UMOD: variants seen among roughly 807,000 people sequenced by gnomAD.
The protein encoded by UMOD is Tamm-Horsfall urinary glycoprotein.
UMOD carries 64 observed loss-of-function variants against 66.0 expected under a neutral mutation model. The ratio of observed to expected loss-of-function variants is 0.97; its 90% confidence interval spans 0.79 to 1.19. The LOEUF (loss-of-function observed/expected upper bound fraction) is 1.19, where lower values mean the gene tolerates loss of function less well. Among genes scored for constraint, UMOD ranks in the 50% most tolerant of loss-of-function variants. The probability of loss-of-function intolerance (pLI) is 0.00; values close to 1 mark genes in which losing one functional copy is unlikely to be tolerated. For missense variants in UMOD, 764 were observed against 850.9 expected, an observed-to-expected ratio of 0.90 and a Z score of 1.27; for synonymous variants, 398 against 352.7, an observed-to-expected ratio of 1.13 and a Z score of -1.44.
chr16:20,344,190 G>A lies in UMOD; in HGVS notation c.1183-18C>T, dbSNP rs764830079. On this transcript the variant is annotated intron_variant, in intron 5 of 10. Transcript: ENST00000396138. ...TCATTCCTCTGTTGCAGGGAATGGG[G>A]GTGGAGGGGGGGTGGGGATGAGAGA... is the stretch of plus-strand genomic sequence containing the variant. The A allele has an allele frequency of 1.3e-5, 20 of 1,560,100 alleles. No homozygotes were observed. In the South Asian group the frequency reaches 1.7e-4, roughly 13 times the overall value.
rs896470042 is a variant in UMOD, at chr16:20,348,318, A to G, written c.878T>C (p.Val293Ala). 5 of 1,614,202 alleles carry G rather than the reference A, an allele frequency of 3.1e-6. No homozygotes were observed. The highest frequency in any genetic ancestry group is 4.2e-6 in the Non-Finnish European group (5 of 1,180,044). ...ACTGCACTCCTCACACGTCCCCTCC[A>G]CGGAGCTGGGGTCTGCAGGGTCACA... Reference protein sequence around the residue: ...HLAYCTDPSSVEGTCEECSID... With the variant: ...HLAYCTDPSSAEGTCEECSID... Residue 293 changes from valine to alanine, a missense_variant, in exon 4 of 11, where the codon GTG becomes GCG. By Grantham distance (64) the Val-to-Ala change is moderately conservative. Coordinates refer to ENST00000396138, the MANE Select transcript of UMOD (RefSeq NM_003361.4).
chr16:20,341,034 C>A, intron 7 of UMOD, 57 bp downstream of exon 7: 1 of 1,553,972 alleles, frequency 6.4e-7, no homozygotes, highest in South Asian at 1.1e-5. Context: ...CCATCCAAGT[C>A]CAAAGACCCC....
Position 20,348,759 on chromosome 16 carries a change from T to C in UMOD, c.542A>G (p.Asp181Gly). 1 of 1,543,930 alleles carries C rather than the reference T, an allele frequency of 6.5e-7. No homozygotes were observed. The highest frequency in any genetic ancestry group is 8.7e-7 in the Non-Finnish European group (1 of 1,145,778). The stretch of plus-strand genomic sequence containing the variant: ...GTACTCGGTGCTGCGCCAGTACTCG[T>C]CCAGGGTGCGGTGCGCCTGGCACGG... ...ADPCQAHRTL[D>G]EYWRSTEYGE... Residue 181 changes from aspartate (D) to glycine (G), a missense_variant, in exon 3 of 11, where the codon GAC becomes GGC. By Grantham distance (94) the Asp-to-Gly change is moderately conservative. Coordinates refer to ENST00000396138, the MANE Select transcript of UMOD (RefSeq NM_003361.4).
rs1965684994 is a variant in UMOD at position 20,348,135 on chromosome 16, T to C, written c.973+88A>G. On this transcript the variant is annotated intron_variant, in intron 4 of 10. Coordinates refer to ENST00000396138, the MANE Select transcript of UMOD (RefSeq NM_003361.4). ...ATATATCCCCTGCGTCATACCCATA[T>C]GGCCCCAATCTCACAGGGGAGGAAT... 2.6e-6 allele frequency: 3 copies of C among 1,168,244 alleles called. No individual in the cohort carries two copies. In the South Asian group the frequency reaches 3.7e-5, roughly 14 times the overall value. 72.4% of individuals were successfully genotyped at this position (1,168,244 alleles called of 1,614,324 possible).
intron 4 of UMOD, among the ~76,000 whole-genome samples, 162 bp from the exon 5 acceptor site, chr16:20,346,496 T>A (rs1965593875): frequency 6.6e-6 from 1 of 152,232 alleles, no homozygotes; most frequent in Non-Finnish European, 1.5e-5. Flanking sequence ...GACTCAAGAT[T>A]GGACCTCTGA....
chr16:20,343,153 A>AAATG (rs1392455319), intron 6 of UMOD, among the ~76,000 whole-genome samples: 1 of 152,060 alleles, frequency 6.6e-6, no homozygotes, highest in African/African-American at 2.4e-5. Context: ...ATAAATAAAT[A>AAATG]AATAATCAAT....
chr16:20,339,161 T>G (rs1965047464), intron 7 of UMOD, among the ~76,000 whole-genome samples: 1 of 152,244 alleles, frequency 6.6e-6, no homozygotes, highest in African/African-American at 2.4e-5. Context: ...GCTAACCTGT[T>G]TCTTAAAGCT....
rs761365983 is a variant in UMOD at position 20,344,100 on chromosome 16, T to C, written c.1255A>G (p.Ile419Val). The C allele has an allele frequency of 3.7e-6, 6 of 1,613,476 alleles. No homozygotes were observed. Among genetic ancestry groups the C allele is most frequent in the Non-Finnish European group, 3.4e-6 (4 of 1,179,950 alleles). Residue 419 changes from isoleucine to valine, a missense_variant, in exon 6 of 11, where the codon ATC becomes GTC. Coordinates refer to ENST00000396138, the MANE Select transcript of UMOD (RefSeq NM_003361.4). ...ADEIIIRDLN[I>V]KINFACSYPL... is the part of the protein sequence containing the mutation. Reference sequence around the variant, plus strand: ...TAGGAGCATGCAAAGTTGATTTTGATGTTGAGGTCACGGATGATGATCTCA... The same window carrying C: ...TAGGAGCATGCAAAGTTGATTTTGACGTTGAGGTCACGGATGATGATCTCA...
Position 20,345,477 on chromosome 16 carries a change from T to TCTTTC in UMOD, c.1182+648_1182+649insGAAAG, listed in dbSNP as rs1965514598. The stretch of plus-strand genomic sequence containing the variant: ...TCCTTTCTTTCCTTCCTTCCTTCCT[T>TCTTTC]CCTTCCCTCCCTCCCTCCCTCCCTC... On this transcript the variant is annotated intron_variant, in intron 5 of 10. Transcript: ENST00000396138. 5.0e-4 allele frequency among the ~76,000 whole-genome samples: 29 copies of TCTTTC among 58,312 alleles called. No individual in the cohort carries two copies. The South Asian group carries it at 0.015, about 31-fold the overall frequency. The allele number at this position is 58,312 out of a possible 152,430, so 38.3% of individuals were successfully genotyped here.
In UMOD at chr16:20,348,522, G is replaced by T. The variant is rs1038217947; in HGVS notation, c.779C>A (p.Ala260Glu). ...GGCACAGGCCTTCACCTGGACGGAC[G>T]CATCCCACAGGCAGCAGTGGCCGCT... ...HWSGHCCLWD[A>E]SVQVKACAGG... The change falls in exon 3 of 11, where the codon GCG (alanine) becomes GAG (glutamate). Residue 260 changes from alanine (A) to glutamate (E), a missense_variant. Transcript: ENST00000396138. 9 of 1,606,106 alleles carry T rather than the reference G, an allele frequency of 5.6e-6. No individual in the cohort carries two copies. Among genetic ancestry groups the T allele is most frequent in the Non-Finnish European group, 7.6e-6 (9 of 1,178,772 alleles).
At chr16:20,349,351 G>A (rs1207471488) in intron 2 of UMOD, 139 bp from the exon 3 acceptor site, 1 of 973,080 alleles carries the variant, frequency 1.0e-6, no homozygotes, top group African/African-American at 1.6e-5. Context: ...AAGGAAAGAA[G>A]CAAAGAAACA....
chr16:20,350,426 C>T (rs896149850), intron 2 of UMOD, among the ~76,000 whole-genome samples: 1 of 152,130 alleles, frequency 6.6e-6, no homozygotes, highest in Non-Finnish European at 1.5e-5. Context: ...CATCTCAGGT[C>T]CTACTGCAGA....
chr16:20,349,655 G>C (rs1965792491), intron 2 of UMOD: 1 of 1,437,922 alleles, frequency 7.0e-7, no homozygotes, highest in South Asian at 1.5e-5. Context: ...CTTTCAAGCT[G>C]TCTTCTTTTA....
Position 20,349,003 on chromosome 16 carries a change from G to A in UMOD, c.298C>T (p.Leu100=). The part of the protein sequence containing the change: ...FSCVCPEGFR[L]SPGLGCTDVD... ...TCTGTGCAGCCGAGACCGGGCGACA[G>A]GCGGAAGCCTTCGGGGCAGACGCAG... The change falls in exon 3 of 11, where the codon CTG becomes TTG. Residue 100 remains leucine (L), a synonymous_variant. Coordinates refer to ENST00000396138, the MANE Select transcript of UMOD (RefSeq NM_003361.4). 1 of 1,581,744 alleles carries A rather than the reference G, an allele frequency of 6.3e-7. No homozygotes were observed. The highest frequency in any genetic ancestry group is 8.6e-7 in the Non-Finnish European group (1 of 1,163,968).
At chr16:20,341,960 G>A (rs188367320) in intron 6 of UMOD, among the ~76,000 whole-genome samples, 31 of 152,332 alleles carry the variant, frequency 2.0e-4, no homozygotes, top group Admixed American at 3.9e-4. Context: ...CATGAAATAA[G>A]GCACATGAGA....
chr16:20,355,061 G>T (rs1222352005), upstream of UMOD, among the ~76,000 whole-genome samples: 1 of 152,140 alleles, frequency 6.6e-6, no homozygotes, highest in Non-Finnish European at 1.5e-5. Flanking sequence ...CCTTCCTGCA[G>T]AAACTACAAT....
In UMOD at chr16:20,337,356, A is replaced by C. The variant is rs1162402930; in HGVS notation, c.1675T>G (p.Tyr559Asp). 11 of 1,614,120 alleles carry C rather than the reference A, an allele frequency of 6.8e-6. No individual in the cohort carries two copies. Among genetic ancestry groups the C allele is most frequent in the Non-Finnish European group, 8.5e-6 (10 of 1,180,048 alleles). The change falls in exon 8 of 11, where the codon TAT becomes GAT. Residue 559 changes from tyrosine to aspartate, a missense_variant. Tyr to Asp is a radical substitution (Grantham distance 160). Coordinates refer to ENST00000396138, the MANE Select transcript of UMOD (RefSeq NM_003361.4). The part of the protein sequence containing the change: ...SVQMFRFAGN[Y>D]DLVYLHCEVY... ...TCACAGTGCAGGTAGACTAGGTCAT[A>C]GTTTCCAGCAAACCGGAACATCTGG...
At position 20,348,429 on chromosome 16, in the gene UMOD, G is replaced by A; in HGVS notation, c.865+7C>T. 1 of 1,613,962 alleles carries A rather than the reference G, an allele frequency of 6.2e-7. No homozygotes were observed. The highest frequency in any genetic ancestry group is 8.5e-7 in the Non-Finnish European group (1 of 1,180,016). ...GGGATGAGGACTGTGGGGAGACTCC[G>A]GCTGACCTGTGCAGTACGCCAGGTG... On this transcript the variant is annotated splice_region_variant and intron_variant, in intron 3 of 10. Coordinates refer to ENST00000396138, the MANE Select transcript of UMOD (RefSeq NM_003361.4).
At chr16:20,344,484 T>C (rs1335574229) in intron 5 of UMOD, among the ~76,000 whole-genome samples, 1 of 151,282 alleles carries the variant, frequency 6.6e-6, no homozygotes, top group Non-Finnish European at 1.5e-5. Context: ...GTGCCTGTAA[T>C]CCCAACTACT....
Sources: gnomAD v4.1 joint callset for allele counts (sites outside exome capture counted in the v4.1 genomes callset) on GRCh38, gnomAD v4.1.1 for gene constraint, MANE v1.5 for transcripts, NCBI Gene and HGNC (gene_info 2026-07-23, HGNC 2026-07-21) for gene names.